GPC5: variants seen among roughly 807,000 people sequenced by gnomAD.
GPC5 encodes glypican-5.
Under a neutral mutation model 53.9 loss-of-function variants are expected in GPC5, and 47 were observed. That is an observed-to-expected ratio of 0.87 (90% CI 0.69 to 1.11). The LOEUF (loss-of-function observed/expected upper bound fraction) is 1.11, where lower values mean the gene tolerates loss of function less well. Among genes scored for constraint, GPC5 ranks in the 50% most tolerant of loss-of-function variants. GPC5 has a pLI of 0.00. For missense variants in GPC5, 748 were observed against 713.1 expected (o/e 1.05, Z -0.56); for synonymous variants, 286 against 263.3 (o/e 1.09, Z -0.84).
At chr13:92,457,584 T>C (rs1566598921) in intron 7 of GPC5, among the ~76,000 whole-genome samples, 1 of 152,180 alleles carries the variant, frequency 6.6e-6, no homozygotes, top group Non-Finnish European at 1.5e-5. Flanking sequence ...AAGAACTCTA[T>C]CGAGGATAAT....
In GPC5 at chr13:91,540,577, G is replaced by C. The variant is rs917028899; in HGVS notation, c.325+91655G>C. Among the ~76,000 whole-genome samples the C allele has an allele frequency of 3.9e-5, 6 of 152,124 alleles. 1 individual carries two copies. ...AACACTGCAGACATTAAAAGCCTTT[G>C]GATTGCACAATTGAAATGGGTGAAT... is the stretch of plus-strand genomic sequence containing the variant. On this transcript the variant is annotated intron_variant, in intron 2 of 7. Coordinates refer to ENST00000377067, the MANE Select transcript of GPC5 (RefSeq NM_004466.6).
chr13:92,568,376 T>A (rs1408075101), intron 7 of GPC5, among the ~76,000 whole-genome samples: 2 of 152,060 alleles, frequency 1.3e-5, no homozygotes, highest in African/African-American at 2.4e-5. Context: ...AAAAGAAAAA[T>A]TTAACTATAA....
chr13:91,799,291 C>T (rs1929923), intron 5 of GPC5, among the ~76,000 whole-genome samples: 54,680 of 151,886 alleles, frequency 0.36, 11,154 homozygotes, highest in African/African-American at 0.56. Flanking sequence ...TGGGTACTCA[C>T]GGACATAAAG....
chr13:92,694,719 G>GA (rs2139239270), intron 7 of GPC5, among the ~76,000 whole-genome samples: 1 of 152,310 alleles, frequency 6.6e-6, no homozygotes, highest in East Asian at 1.9e-4. Flanking sequence ...TTTGGACTTA[G>GA]ACTTTTGGGT....
intron 7 of GPC5, among the ~76,000 whole-genome samples, chr13:92,289,278 C>T (rs9589481): frequency 0.074 from 11,291 of 152,012 alleles, 550 homozygotes; most frequent in African/African-American, 0.13. Flanking sequence ...TACCTTCCAC[C>T]CCAGTCCCAA....
intron 1 of GPC5, among the ~76,000 whole-genome samples, chr13:91,428,494 CAG>C (rs1371013235): frequency 6.6e-6 from 1 of 152,178 alleles, no homozygotes; most frequent in Non-Finnish European, 1.5e-5. Context: ...CAGGACCAAT[CAG>C]GGGCTGCGTG....
At chr13:92,627,204 C>T (rs76382362) in intron 7 of GPC5, among the ~76,000 whole-genome samples, 3,146 of 152,290 alleles carry the variant, frequency 0.021, 57 homozygotes, top group Non-Finnish European at 0.033. Flanking sequence ...AGACTATTTT[C>T]CTTCTAACAG....
chr13:92,320,700 C>G (rs906574577), intron 7 of GPC5, among the ~76,000 whole-genome samples: 1 of 152,064 alleles, frequency 6.6e-6, no homozygotes, highest in Non-Finnish European at 1.5e-5. Flanking sequence ...ACCTTCTTAT[C>G]TAAACATAAG....
intron 1 of GPC5, among the ~76,000 whole-genome samples, chr13:91,441,356 G>A (rs1880409689): frequency 6.6e-6 from 1 of 152,138 alleles, no homozygotes; most frequent in Admixed American, 6.6e-5. Context: ...TTTGAATTGT[G>A]GAATAAATCA....
chr13:92,752,695 G>C (rs59244654), intron 7 of GPC5, among the ~76,000 whole-genome samples: 37,438 of 152,008 alleles, frequency 0.25, 5,014 homozygotes, highest in East Asian at 0.4. Context: ...AGGGGTCAGG[G>C]AGTTCCCTTT....
intron 7 of GPC5, among the ~76,000 whole-genome samples, chr13:92,558,910 G>A (rs908056497): frequency 2.0e-5 from 3 of 151,980 alleles, no homozygotes; most frequent in Non-Finnish European, 2.9e-5. Context: ...TCAGCATGGC[G>A]GAGTTGCCTT....
intron 7 of GPC5, among the ~76,000 whole-genome samples, chr13:92,737,766 C>CTTTT (rs33914729): frequency 5.9e-5 from 6 of 102,134 alleles, no homozygotes; most frequent in African/African-American, 1.2e-4. Flanking sequence ...TTTTCTTTTT[C>CTTTT]TTTTTTTTTT....
intron 7 of GPC5, among the ~76,000 whole-genome samples, chr13:92,664,978 G>A (rs1272079506): frequency 1.3e-5 from 2 of 152,068 alleles, no homozygotes; most frequent in Non-Finnish European, 2.9e-5. Context: ...TAAAGGATAT[G>A]TTAATACAAA....
At chr13:92,088,515 C>T (rs952492668) in intron 6 of GPC5, among the ~76,000 whole-genome samples, 1 of 152,136 alleles carries the variant, frequency 6.6e-6, no homozygotes, top group Non-Finnish European at 1.5e-5. Flanking sequence ...TTAGGGGCCC[C>T]AAGTCCCCTC....
intron 7 of GPC5, among the ~76,000 whole-genome samples, chr13:92,630,380 G>A (rs1885195773): frequency 6.6e-6 from 1 of 152,008 alleles, no homozygotes; most frequent in Non-Finnish European, 1.5e-5. Flanking sequence ...ACCTACATGA[G>A]AAAAGCAAAA....
chr13:91,761,725 T>G (rs1184839719), intron 5 of GPC5, among the ~76,000 whole-genome samples: 2 of 152,194 alleles, frequency 1.3e-5, no homozygotes, highest in Non-Finnish European at 2.9e-5. Flanking sequence ...TCTGGGCAGC[T>G]GCCCTCTAGG....
chr13:92,012,374 T>A (rs1186454677), intron 6 of GPC5, among the ~76,000 whole-genome samples: 3 of 152,210 alleles, frequency 2.0e-5, no homozygotes, highest in Non-Finnish European at 4.4e-5. Context: ...GGAAAACATT[T>A]TTATCTCCTC....
intron 7 of GPC5, among the ~76,000 whole-genome samples, chr13:92,631,481 C>T (rs910431389): frequency 6.6e-6 from 1 of 151,970 alleles, no homozygotes; most frequent in Non-Finnish European, 1.5e-5. Flanking sequence ...GAAACACAAC[C>T]ATGTGAAATT....
At chr13:92,618,923 A>G (rs1339906252) in intron 7 of GPC5, among the ~76,000 whole-genome samples, 4 of 151,986 alleles carry the variant, frequency 2.6e-5, no homozygotes, top group Non-Finnish European at 5.9e-5. Context: ...TTATTAAGTT[A>G]ACTTTCTATA....
Sources: allele counts gnomAD v4.1 joint callset (sites outside exome capture counted in the v4.1 genomes callset), GRCh38; gene constraint gnomAD v4.1.1; transcripts MANE v1.5; gene names NCBI Gene and HGNC (gene_info 2026-07-23, HGNC 2026-07-21).